The following PNKD variants were observed in gnomAD, a reference collection of about 807,000 sequenced individuals.
PNKD encodes probable thioesterase PNKD.
PNKD carries 36 observed loss-of-function variants against 45.3 expected under a neutral mutation model. The observed-to-expected ratio is 0.80, with a 90% confidence interval of 0.61 to 1.05. The LOEUF (loss-of-function observed/expected upper bound fraction) is 1.05. Among genes scored for constraint, PNKD ranks in the 50% least tolerant of loss-of-function variants. PNKD has a pLI of 0.00. For missense variants in PNKD, 511 were observed against 506.6 expected (o/e 1.01, Z -0.08); for synonymous variants, 197 against 210.1 (o/e 0.94, Z 0.54).
chr2:218,307,951 T>C (rs1401519634), intron 2 of PNKD, among the ~76,000 whole-genome samples: 3 of 151,960 alleles, frequency 2.0e-5, no homozygotes, highest in Non-Finnish European at 4.4e-5. Context: ...CAAATTAGGA[T>C]GGAGCAGTAC....
intron 2 of PNKD, chr2:218,280,143 C>T (rs754221222): frequency 6.3e-7 from 1 of 1,585,878 alleles, no homozygotes. Flanking sequence ...ACAGATGACA[C>T]TTGACTCAGC....
At chr2:218,292,316 A>G (rs1407955967) in intron 2 of PNKD, 1 of 152,146 alleles carries the variant, frequency 6.6e-6, no homozygotes, top group Non-Finnish European at 1.5e-5. Flanking sequence ...GGAGATCCCC[A>G]TCTGGAACGG....
chr2:218,273,678 A>G (rs1230078941), intron 2 of PNKD, among the ~76,000 whole-genome samples: 1 of 149,726 alleles, frequency 6.7e-6, no homozygotes, highest in African/African-American at 2.5e-5. Flanking sequence ...TTTAGTAGAG[A>G]TGGGGTTTCA....
rs532915776 is a variant in PNKD, at chr2:218,345,047, C to T, written c.*66C>T. On this transcript the variant is annotated 3_prime_UTR_variant, in exon 10 of 10. Transcript: ENST00000273077. ...GAGGCCGCCACCACCAACACCTCAT[C>T]ATCCTTCTCATCGCTAACACCACCA... The T allele has an allele frequency of 1.5e-5, 19 of 1,237,266 alleles. No individual in the cohort carries two copies. The Admixed American group carries it at 2.1e-4, about 14-fold the overall frequency. The allele number at this position is 1,237,266 out of a possible 1,614,324, so 76.6% of individuals were successfully genotyped here.
chr2:218,300,959 A>G (rs1693254393), intron 2 of PNKD, among the ~76,000 whole-genome samples: 1 of 152,208 alleles, frequency 6.6e-6, no homozygotes, highest in Admixed American at 6.5e-5. Flanking sequence ...TAGGATCTGT[A>G]TTTAGATCAA....
In PNKD at chr2:218,271,071, C is replaced by T; in HGVS notation, c.68-310C>T. ...AGTTTCAAAACCTTTTCCCGGATTT[C>T]CTTCATACGTCTTATGTGAGTCCCA... On this transcript the variant is annotated intron_variant, in intron 1 of 9. Transcript: ENST00000273077. The T allele has an allele frequency of 1.4e-5, 7 of 506,588 alleles. No homozygotes were observed. The East Asian group carries it at 2.5e-4, about 18-fold the overall frequency. The allele number at this position is 506,588 out of a possible 1,614,324, so 31.4% of individuals were successfully genotyped here.
rs1694651124 is a variant in PNKD at position 218,340,806 on chromosome 2, C to T, written c.524+20C>T. The T allele has an allele frequency of 3.1e-6, 5 of 1,605,804 alleles. No individual in the cohort carries two copies. In the East Asian group the frequency reaches 1.1e-4, roughly 36 times the overall value. ...GCACTGGTAAGGGGCTCCCGTCTTC[C>T]CTGGCCCACCCTTGTCCCAGCTGGG... On this transcript the variant is annotated intron_variant, in intron 5 of 9. Coordinates refer to ENST00000273077, the MANE Select transcript of PNKD (RefSeq NM_015488.5). The surrounding 1 kb of genome is among the most constrained non-coding windows in gnomAD (Gnocchi z 4.2).
chr2:218,277,262 G>A, intron 2 of PNKD: 1 of 1,215,762 alleles, frequency 8.2e-7, no homozygotes, highest in Non-Finnish European at 1.2e-6. Flanking sequence ...TGCGGATGAG[G>A]AGAAGGGGAT....
chr2:218,320,310 G>T (rs4423579), intron 2 of PNKD, among the ~76,000 whole-genome samples: 90,090 of 152,120 alleles, frequency 0.59, 27,098 homozygotes, highest in South Asian at 0.68. Flanking sequence ...ATGTATACAA[G>T]GCGTAATGAT....
At chr2:218,315,291 G>A (rs966394798) in intron 2 of PNKD, among the ~76,000 whole-genome samples, 3 of 151,606 alleles carry the variant, frequency 2.0e-5, no homozygotes, top group Non-Finnish European at 2.9e-5. Context: ...ACAGGCACGC[G>A]CCACCACGCC....
At chr2:218,318,962 T>TTC (rs1363806535) in intron 2 of PNKD, among the ~76,000 whole-genome samples, 2 of 139,578 alleles carry the variant, frequency 1.4e-5, no homozygotes, top group African/African-American at 5.5e-5. Flanking sequence ...TTTTTTTTTT[T>TTC]TTTTTTTTTT....
At chr2:218,299,707 C>T (rs1298435105) in intron 2 of PNKD, among the ~76,000 whole-genome samples, 2 of 151,440 alleles carry the variant, frequency 1.3e-5, no homozygotes, top group Non-Finnish European at 2.9e-5. Context: ...CTACAACCTC[C>T]ACCTCCCAGT....
At chr2:218,327,642 G>A (rs1041907916) in intron 2 of PNKD, among the ~76,000 whole-genome samples, 19 of 151,966 alleles carry the variant, frequency 1.3e-4, no homozygotes, top group Non-Finnish European at 2.5e-4. Context: ...ATGGAGCCAC[G>A]CCCCTCGCCC....
intron 2 of PNKD, among the ~76,000 whole-genome samples, chr2:218,319,390 T>TTA (rs1693916374): frequency 4.8e-5 from 7 of 147,244 alleles, no homozygotes; most frequent in Admixed American, 4.7e-4. Flanking sequence ...TTTTTTTTTT[T>TTA]TTTGAGATGG....
rs569666869 is a variant in PNKD, at chr2:218,281,873, C to T, written c.236+10324C>T. ...ACTAGAAGAGAAAAGGGGCAGGAGG[C>T]GGTGGCCTCATCTGCTCCAAGTGCT... On this transcript the variant is annotated intron_variant, in intron 2 of 9. Transcript: ENST00000273077. The T allele has an allele frequency of 7.8e-5, 97 of 1,239,230 alleles. No individual in the cohort carries two copies. The East Asian group carries it at 1.5e-3, about 20-fold the overall frequency. The allele number at this position is 1,239,230 out of a possible 1,614,324, so 76.8% of individuals were successfully genotyped here.
intron 2 of PNKD, among the ~76,000 whole-genome samples, chr2:218,335,349 C>T (rs1364547555): frequency 2.6e-5 from 4 of 151,792 alleles, no homozygotes; most frequent in Admixed American, 1.3e-4. Flanking sequence ...GGCGTGGTGT[C>T]GCATGCCTGT....
intron 2 of PNKD, chr2:218,292,603 C>CA (rs1355932031): frequency 6.6e-6 from 1 of 151,946 alleles, no homozygotes; most frequent in Non-Finnish European, 1.5e-5. Flanking sequence ...AGGGCGCCGC[C>CA]AGGGGGCGCA....
chr2:218,277,124 C>T (rs780263252), intron 2 of PNKD: 1 of 1,601,176 alleles, frequency 6.2e-7, no homozygotes, highest in Non-Finnish European at 8.6e-7. Flanking sequence ...GAAAGAGGCA[C>T]CTGTCAGATG....
chr2:218,301,928 C>T (rs570544874), intron 2 of PNKD, among the ~76,000 whole-genome samples: 2 of 152,330 alleles, frequency 1.3e-5, no homozygotes, highest in African/African-American at 2.4e-5. Flanking sequence ...ATACAGCCCC[C>T]GCTTTCTTGG....
Sources: allele counts gnomAD v4.1 joint callset (sites outside exome capture counted in the v4.1 genomes callset), GRCh38; gene constraint gnomAD v4.1.1; non-coding constraint Gnocchi (gnomAD v3.1); transcripts MANE v1.5; gene names NCBI Gene and HGNC (gene_info 2026-07-23, HGNC 2026-07-21).